Variants in ARSG observed in about 807,000 individuals in gnomAD.
The protein encoded by ARSG is ASG.
Under a neutral mutation model 50.5 loss-of-function variants are expected in ARSG, and 37 were observed. The observed-to-expected ratio is 0.73, with a 90% CI of 0.56 to 0.96. The LOEUF (loss-of-function observed/expected upper bound fraction) is 0.96. Ranked by LOEUF, ARSG falls within the 50% of genes least tolerant of loss-of-function variation. The pLI is 0.00. For synonymous variants in ARSG, 225 were observed against 254.6 expected (o/e 0.88, Z 1.11); for missense variants, 629 against 675.3 (o/e 0.93, Z 0.76).
At chr17:68,362,169 A>G (rs2079321051) in intron 6 of ARSG, among the ~76,000 whole-genome samples, 1 of 151,846 alleles carries the variant, frequency 6.6e-6, no homozygotes, top group Non-Finnish European at 1.5e-5. Flanking sequence ...TCCTTGACTC[A>G]CTATCCGTCT....
Position 68,420,276 on chromosome 17 carries a change from A to C in ARSG, c.1391A>C (p.Glu464Ala). ...TTCAACCTGGAAGACGATACCGCAG[A>C]AGCTGTGCCCCTAGAAAGAGGTGGT... Reference protein sequence around the residue: ...LIFNLEDDTAEAVPLERGGAE... With the variant: ...LIFNLEDDTAAAVPLERGGAE... Residue 464 changes from glutamate (E) to alanine (A), a missense_variant, in exon 12 of 12, where the codon GAA becomes GCA. Transcript: ENST00000621439. The C allele has an allele frequency of 6.2e-7, 1 of 1,614,140 alleles. No individual in the cohort carries two copies. The highest frequency in any genetic ancestry group is 8.5e-7 in the Non-Finnish European group (1 of 1,180,026).
At chr17:68,451,280 A>T in the ARSG span, among the ~76,000 whole-genome samples, 112,117 of 152,094 alleles carry the variant, frequency 0.74, 41,565 homozygotes, top group Middle Eastern at 0.78. Context: ...AAAATATTTT[A>T]AAAATTAGCC....
Position 68,388,922 on chromosome 17 carries a change from CAAAAAAAAAAAA to C in ARSG, c.1091+3762_1091+3773del, listed in dbSNP as rs35105754. Among the ~76,000 whole-genome samples the C allele has an allele frequency of 3.7e-5, 4 of 108,066 alleles. 1 individual carries two copies. The South Asian group carries it at 1.4e-3, about 37-fold the overall frequency. The allele number at this position is 108,066 out of a possible 152,430, so 70.9% of individuals were successfully genotyped here. On this transcript the variant is annotated intron_variant, in intron 9 of 11. Transcript: ENST00000621439. Reference sequence around the variant, plus strand: ...CCTGGGCGACAGTGAGACTCTGTCTCAAAAAAAAAAAAAAAAAAAAAAAGAAAAACAGCTAAA... The same window carrying C: ...CCTGGGCGACAGTGAGACTCTGTCTCAAAAAAAAAAAGAAAAACAGCTAAA...
chr17:68,395,207 G>A lies in ARSG; in HGVS notation c.1212+14G>A. On this transcript the variant is annotated intron_variant, in intron 10 of 11. Transcript: ENST00000621439. ...CCTGGGCACAGGGTAAGTGGAGGAG[G>A]TACTTGCCCACATGTAGGCTCTTTA... 1 of 1,613,450 alleles carries A rather than the reference G, an allele frequency of 6.2e-7. No individual in the cohort carries two copies. Among genetic ancestry groups the A allele is most frequent in the Non-Finnish European group, 8.5e-7 (1 of 1,179,716 alleles).
the ARSG span, among the ~76,000 whole-genome samples, chr17:68,450,124 A>G: frequency 6.6e-6 from 1 of 152,132 alleles, no homozygotes; most frequent in Non-Finnish European, 1.5e-5. Flanking sequence ...CATATTGCCT[A>G]TTTGAGATCA....
rs537747044 is a variant in ARSG, at chr17:68,346,777, C to T, written c.407-348C>T. ...GGGCCTCCTGGTGCCTTTGCAGGGC[C>T]CCAGCGCGGGAGGGCAAAGTGAAGG... On this transcript the variant is annotated intron_variant, in intron 3 of 11. Transcript: ENST00000621439. 1.6e-5 allele frequency: 21 copies of T among 1,305,286 alleles called. No individual in the cohort carries two copies. The African/African-American group carries it at 1.8e-4, about 11-fold the overall frequency. The allele number at this position is 1,305,286 out of a possible 1,614,324, so 80.9% of individuals were successfully genotyped here. A position where few individuals can be genotyped will look rare whatever the true frequency, so the allele number is the denominator to read the frequency against.
the ARSG span, among the ~76,000 whole-genome samples, chr17:68,429,230 C>T: frequency 6.6e-6 from 1 of 152,180 alleles, no homozygotes; most frequent in African/African-American, 2.4e-5. Flanking sequence ...CTACATGGGA[C>T]GCAGTCTCCC....
intron 1 of ARSG, among the ~76,000 whole-genome samples, chr17:68,279,442 T>G (rs1802769531): frequency 6.6e-6 from 1 of 152,188 alleles, no homozygotes; most frequent in Non-Finnish European, 1.5e-5. Context: ...TTCTGTCTTC[T>G]GGGAGTTTGT....
At chr17:68,274,720 T>C (rs1555750336) in intron 1 of ARSG, among the ~76,000 whole-genome samples, 1 of 152,194 alleles carries the variant, frequency 6.6e-6, no homozygotes, top group Non-Finnish European at 1.5e-5. Context: ...ATTTTTTCTC[T>C]ACTCACTACT....
intron 1 of ARSG, among the ~76,000 whole-genome samples, chr17:68,294,403 C>T (rs1555757412): frequency 6.6e-6 from 1 of 152,160 alleles, no homozygotes; most frequent in African/African-American, 2.4e-5. Flanking sequence ...GGTTGCTAGG[C>T]AGATATGACC....
At chr17:68,374,378 C>T (rs1008911176) in intron 8 of ARSG, among the ~76,000 whole-genome samples, 1 of 151,976 alleles carries the variant, frequency 6.6e-6, no homozygotes, top group Non-Finnish European at 1.5e-5. Context: ...ACCATGGATG[C>T]AGGGGGAAGG....
chr17:68,401,584 G>C (rs766415664), intron 11 of ARSG, 134 bp downstream of exon 11: 2 of 726,304 alleles, frequency 2.8e-6, no homozygotes, highest in African/African-American at 3.6e-5. Flanking sequence ...CTTGACAAGC[G>C]TCTCCTCCAA....
chr17:68,307,756 T>C, intron 2 of ARSG, 45 bp downstream of exon 2: 1 of 1,088,440 alleles, frequency 9.2e-7, no homozygotes, highest in Non-Finnish European at 1.4e-6. Flanking sequence ...GATGTCTTAC[T>C]CCCGTTCTTG....
chr17:68,330,402 G>A (rs1189991136), intron 2 of ARSG, among the ~76,000 whole-genome samples: 1 of 152,056 alleles, frequency 6.6e-6, no homozygotes. Flanking sequence ...TGACATGATG[G>A]CCCTAGGATC....
At chr17:68,336,624 G>A (rs762329175) in intron 2 of ARSG, among the ~76,000 whole-genome samples, 7 of 152,248 alleles carry the variant, frequency 4.6e-5, no homozygotes, top group Admixed American at 2.0e-4. Flanking sequence ...AGGCCAGGGC[G>A]GGAGGATCAC....
intron 1 of ARSG, among the ~76,000 whole-genome samples, chr17:68,294,967 A>G (rs1555757600): frequency 6.6e-6 from 1 of 152,162 alleles, no homozygotes. Flanking sequence ...GATGACGATG[A>G]TAATAATAAT....
chr17:68,435,576 A>G, the ARSG span: 1 of 1,590,054 alleles, frequency 6.3e-7, no homozygotes, highest in Non-Finnish European at 8.6e-7. Context: ...GGCAGGAGCC[A>G]TCCAGCGAAA....
intron 2 of ARSG, among the ~76,000 whole-genome samples, chr17:68,337,832 G>C (rs1171034275): frequency 6.6e-6 from 1 of 152,030 alleles, no homozygotes; most frequent in African/African-American, 2.4e-5. Flanking sequence ...GGTCAGGCTG[G>C]TCTCGAACTC....
intron 1 of ARSG, among the ~76,000 whole-genome samples, chr17:68,265,691 AC>A (rs2075144828): frequency 6.9e-6 from 1 of 144,528 alleles, no homozygotes; most frequent in African/African-American, 2.6e-5. Context: ...ACTGTGGTCC[AC>A]AGGCCAAATC....
Sources: gnomAD v4.1 joint callset for allele counts (sites outside exome capture counted in the v4.1 genomes callset) on GRCh38, gnomAD v4.1.1 for gene constraint, MANE v1.5 for transcripts, NCBI Gene and HGNC (gene_info 2026-07-23, HGNC 2026-07-21) for gene names.